SPRY3: variants seen among roughly 807,000 people sequenced by gnomAD.
The protein encoded by SPRY3 is protein sprouty homolog 3.
SPRY3 carries 15 observed loss-of-function variants against 20.2 expected under a neutral mutation model. The ratio of observed to expected loss-of-function variants is 0.74; its 90% CI spans 0.50 to 1.14. The LOEUF is 1.14. Ranked by LOEUF, SPRY3 falls within the 50% of genes most tolerant of loss-of-function variation. SPRY3 has a pLI of 0.00. For synonymous variants in SPRY3, 143 were observed against 136.5 expected (o/e 1.05, Z -0.33); for missense variants, 364 against 363.9 (o/e 1.00, Z 0.00).
At chrX:155,739,332 G>A (rs1057378290) in intron 2 of SPRY3, among the ~76,000 whole-genome samples, 2 of 152,032 alleles carry the variant, frequency 1.3e-5, no homozygotes, top group Non-Finnish European at 1.5e-5. Context: ...GAGCCCCCAG[G>A]GGGAGGGGCA....
chrX:155,685,952 AG>A (rs1249057650), intron 2 of SPRY3, among the ~76,000 whole-genome samples: 5 of 110,441 alleles, frequency 4.5e-5, no homozygotes, highest in African/African-American at 1.7e-4. Context: ...ATTCTTTAGT[AG>A]AGACGGGGGT....
chrX:155,670,286 GA>G (rs1557354641), intron 2 of SPRY3, among the ~76,000 whole-genome samples: 1 of 111,778 alleles, frequency 8.9e-6, no homozygotes, highest in Non-Finnish European at 1.9e-5. Context: ...AAATGCTCTG[GA>G]ATGTGGCTCT....
chrX:155,727,057 T>C (rs188544290), intron 2 of SPRY3, among the ~76,000 whole-genome samples: 333 of 152,236 alleles, frequency 2.2e-3, no homozygotes, highest in African/African-American at 7.8e-3. Context: ...CTCCTTCACT[T>C]ATAAAGCTTA....
chrX:155,720,429 G>C (rs2091049733), intron 2 of SPRY3, among the ~76,000 whole-genome samples: 1 of 152,166 alleles, frequency 6.6e-6, no homozygotes, highest in South Asian at 2.1e-4. Flanking sequence ...GCTGATTGTA[G>C]AGACCCATGG....
At chrX:155,735,822 G>A (rs994919670) in intron 2 of SPRY3, among the ~76,000 whole-genome samples, 13 of 151,728 alleles carry the variant, frequency 8.6e-5, no homozygotes, top group African/African-American at 2.9e-4. Flanking sequence ...CATTATTGAT[G>A]TGGTTTGATT....
chrX:155,766,020 A>C (rs2124596790), intron 2 of SPRY3, among the ~76,000 whole-genome samples: 1 of 152,326 alleles, frequency 6.6e-6, no homozygotes, highest in African/African-American at 2.4e-5. Flanking sequence ...TTGTTGAATA[A>C]GTGTAGATGA....
intron 2 of SPRY3, among the ~76,000 whole-genome samples, chrX:155,752,801 G>A (rs1053115610): frequency 1.3e-5 from 2 of 151,814 alleles, no homozygotes; most frequent in Non-Finnish European, 2.9e-5. Context: ...CTCCTTACCA[G>A]TAAGCTTTTT....
At chrX:155,662,365 T>C (rs1478526006) in intron 2 of SPRY3, among the ~76,000 whole-genome samples, 1 of 110,862 alleles carries the variant, frequency 9.0e-6, no homozygotes, top group Non-Finnish European at 1.9e-5. Flanking sequence ...GCTGATTATC[T>C]GATTATAGTA....
At chrX:155,758,216 TC>T (rs2091290784) in intron 2 of SPRY3, among the ~76,000 whole-genome samples, 1 of 152,180 alleles carries the variant, frequency 6.6e-6, no homozygotes, top group Admixed American at 6.5e-5. Context: ...ATCTCACATA[TC>T]AAGTATATTG....
chrX:155,635,357 G>A (rs782819545), intron 1 of SPRY3, among the ~76,000 whole-genome samples: 9 of 111,458 alleles, frequency 8.1e-5, no homozygotes, highest in African/African-American at 2.9e-4. Flanking sequence ...ACATGTGCAT[G>A]TGTCTTTATA....
At position 155,695,748 on chromosome X, in the gene SPRY3, G is replaced by T. The variant is rs186142056; in HGVS notation, c.-282+38723G>T. ...TCTGTCACCTCTATTTTTCTCTTAA[G>T]CCCATCTAATGAAGTTTTAATTTCA... is the stretch of plus-strand genomic sequence containing the variant. On this transcript the variant is annotated intron_variant, in intron 2 of 3. Transcript: ENST00000675360. Among the ~76,000 whole-genome samples the T allele has an allele frequency of 1.4e-3, 151 of 109,543 alleles. 1 individual carries two copies. The highest frequency in any genetic ancestry group is 4.7e-3 in the African/African-American group (141 of 30,245).
chrX:155,740,830 C>G (rs913961295), intron 2 of SPRY3, among the ~76,000 whole-genome samples: 1 of 152,080 alleles, frequency 6.6e-6, no homozygotes, highest in African/African-American at 2.4e-5. Flanking sequence ...TGTTCATACA[C>G]CCCCTCCCCT....
intron 2 of SPRY3, among the ~76,000 whole-genome samples, chrX:155,739,982 A>G (rs1367031715): frequency 6.6e-6 from 1 of 152,150 alleles, no homozygotes; most frequent in Non-Finnish European, 1.5e-5. Flanking sequence ...CTAGATTGAC[A>G]GAAGTGGGCT....
chrX:155,712,736 G>T (rs372861446), intron 2 of SPRY3, among the ~76,000 whole-genome samples: 6 of 151,712 alleles, frequency 4.0e-5, no homozygotes, highest in South Asian at 2.1e-4. Context: ...TTGTTTTCTG[G>T]TTGTTTTGTG....
rs976639883 is a variant in SPRY3, at chrX:155,688,887, T to C, written c.-282+31862T>C. On this transcript the variant is annotated intron_variant, in intron 2 of 3. Transcript: ENST00000675360. The stretch of plus-strand genomic sequence containing the variant: ...CTTCTCTGTGTCCATGTGTTCTCGT[T>C]GTTCAGCTACCACTTATAAGTGAGA... 2.3e-5 allele frequency among the ~76,000 whole-genome samples: 2 copies of C among 86,810 alleles called. 1 individual carries two copies. The highest frequency in any genetic ancestry group is 1.1e-4 in the African/African-American group (2 of 17,919). The allele number at this position is 86,810 out of a possible 115,157, so 75.4% of individuals were successfully genotyped here. A position where few individuals can be genotyped will look rare whatever the true frequency, so the allele number is the denominator to read the frequency against.
At chrX:155,775,156 C>T (rs2091416089) in exon 4 of SPRY3, 1 of 226,414 alleles carries the variant, frequency 4.4e-6, no homozygotes, top group Admixed American at 5.1e-5. Context: ...TTCACAGGTA[C>T]ATGTGGAACA....
At chrX:155,757,982 G>C (rs1344334110) in intron 2 of SPRY3, among the ~76,000 whole-genome samples, 1 of 152,138 alleles carries the variant, frequency 6.6e-6, no homozygotes, top group Non-Finnish European at 1.5e-5. Flanking sequence ...TCTCTGACTT[G>C]ACTTATTGAC....
intron 2 of SPRY3, among the ~76,000 whole-genome samples, chrX:155,708,810 C>T (rs2090968534): frequency 1.3e-5 from 2 of 151,190 alleles, no homozygotes; most frequent in Admixed American, 1.3e-4. Flanking sequence ...CTCTAGTTCC[C>T]CCATTGTTAT....
At chrX:155,731,542 A>T (rs1372330864) in intron 2 of SPRY3, among the ~76,000 whole-genome samples, 2 of 152,112 alleles carry the variant, frequency 1.3e-5, no homozygotes, top group Non-Finnish European at 2.9e-5. Context: ...AATATCTCAA[A>T]CTATGAAACT....
Sources: allele counts gnomAD v4.1 joint callset (sites outside exome capture counted in the v4.1 genomes callset), GRCh38; gene constraint gnomAD v4.1.1; transcripts MANE v1.5; gene names NCBI Gene and HGNC (gene_info 2026-07-23, HGNC 2026-07-21).